Variants in PTPRK observed in about 807,000 individuals in gnomAD.
PTPRK encodes protein tyrosine phosphatase receptor type K.
PTPRK carries 75 observed loss-of-function variants against 178.0 expected under a neutral mutation model. The observed-to-expected ratio is 0.42, with a 90% CI of 0.35 to 0.51. PTPRK has a LOEUF of 0.51. PTPRK is among the 20% of genes least tolerant of loss of function. The pLI is 0.02. For missense variants in PTPRK, 1,441 were observed against 1,797.8 expected (o/e 0.80, Z 3.59); for synonymous variants, 637 against 620.6 (o/e 1.03, Z -0.39).
intron 2 of PTPRK, among the ~76,000 whole-genome samples, chr6:128,397,000 A>C (rs2128368624): frequency 6.6e-6 from 1 of 152,262 alleles, no homozygotes; most frequent in Admixed American, 6.5e-5. Flanking sequence ...TCCATATCAA[A>C]AAACAACAAC....
chr6:128,019,458 G>A (rs933839331), intron 13 of PTPRK, among the ~76,000 whole-genome samples: 3 of 151,770 alleles, frequency 2.0e-5, no homozygotes, highest in South Asian at 4.2e-4. Flanking sequence ...ATTCTTTTGG[G>A]GACAAATAAA....
At chr6:128,333,544 T>TAAA (rs11408559) in intron 2 of PTPRK, among the ~76,000 whole-genome samples, 404 of 151,668 alleles carry the variant, frequency 2.7e-3, no homozygotes, top group African/African-American at 9.1e-3. Context: ...AGTTTATTGC[T>TAAA]AAAAAAAATG....
Position 128,125,602 on chromosome 6 carries a change from CTTTTTTTTT to C in PTPRK, c.1163-35619_1163-35611del, listed in dbSNP as rs869038931. On this transcript the variant is annotated intron_variant, in intron 7 of 29. Coordinates refer to ENST00000368226, the MANE Select transcript of PTPRK (RefSeq NM_002844.4). ...CTAATACACTTGCCTTTGGGCTTTT[CTTTTTTTTT>C]TTTTTTTTTTTTTTTTTCGATGAAG... Among the ~76,000 whole-genome samples the C allele has an allele frequency of 5.1e-4, 35 of 68,378 alleles. 1 individual carries two copies. The highest frequency in any genetic ancestry group is 2.2e-3 in the South Asian group (5 of 2,308). The allele number at this position is 68,378 out of a possible 152,430, so 44.9% of individuals were successfully genotyped here. A position where few individuals can be genotyped will look rare whatever the true frequency, so the allele number is the denominator to read the frequency against.
chr6:128,462,329 C>A (rs1318375369), intron 1 of PTPRK, among the ~76,000 whole-genome samples: 1 of 152,036 alleles, frequency 6.6e-6, no homozygotes, highest in Non-Finnish European at 1.5e-5. Context: ...AAGGAAAAAT[C>A]ACATGTTGTT....
At chr6:128,146,192 G>A (rs187738566) in intron 7 of PTPRK, among the ~76,000 whole-genome samples, 19 of 152,218 alleles carry the variant, frequency 1.2e-4, no homozygotes, top group African/African-American at 4.1e-4. Flanking sequence ...AAAGGCTAGT[G>A]ACATTGATAT....
At position 128,015,848 on chromosome 6, in the gene PTPRK, C is replaced by G. The variant is rs190966527; in HGVS notation, c.2195-6580G>C. On this transcript the variant is annotated intron_variant, in intron 13 of 29. Transcript: ENST00000368226. Reference sequence around the variant, plus strand: ...TTACAAGATAATACCAAACTATTACCAATTTACATACCCACCAGCAGCGTA... The same window carrying G: ...TTACAAGATAATACCAAACTATTACGAATTTACATACCCACCAGCAGCGTA... Among the ~76,000 whole-genome samples the G allele has an allele frequency of 1.6e-3, 243 of 151,816 alleles. 1 individual carries two copies. Among genetic ancestry groups the G allele is most frequent in the Admixed American group, 3.3e-3 (50 of 15,176 alleles).
chr6:128,246,462 T>C (rs1036350377), intron 3 of PTPRK, among the ~76,000 whole-genome samples: 9 of 152,294 alleles, frequency 5.9e-5, no homozygotes, highest in Middle Eastern at 3.4e-3. Flanking sequence ...AGTTCCTCTT[T>C]TTAGTGACCT....
intron 7 of PTPRK, among the ~76,000 whole-genome samples, chr6:128,147,723 A>T (rs2114541552): frequency 6.6e-6 from 1 of 152,300 alleles, no homozygotes; most frequent in African/African-American, 2.4e-5. Flanking sequence ...GCTCAACAAT[A>T]GATCATACGA....
At chr6:128,324,774 A>C (rs1829320047) in intron 2 of PTPRK, among the ~76,000 whole-genome samples, 1 of 152,110 alleles carries the variant, frequency 6.6e-6, no homozygotes. Context: ...TACTGACTTG[A>C]TATAACGGCA....
At chr6:128,177,297 G>A (rs551850129) in intron 7 of PTPRK, among the ~76,000 whole-genome samples, 25 of 151,600 alleles carry the variant, frequency 1.6e-4, no homozygotes, top group Non-Finnish European at 3.5e-4. Flanking sequence ...TACTTTTAAA[G>A]CCATTTCTAC....
At chr6:128,213,066 T>C (rs1808519866) in intron 6 of PTPRK, among the ~76,000 whole-genome samples, 1 of 152,076 alleles carries the variant, frequency 6.6e-6, no homozygotes. Context: ...TAAATAAACA[T>C]AGATACTATC....
chr6:128,435,058 A>G (rs199524073), intron 1 of PTPRK, among the ~76,000 whole-genome samples: 1 of 69,968 alleles, frequency 1.4e-5, no homozygotes, highest in African/African-American at 1.2e-4. Context: ...GGAAGGAAGG[A>G]AGGAAGGAAG....
At chr6:128,293,698 T>C (rs1487230480) in intron 3 of PTPRK, among the ~76,000 whole-genome samples, 1 of 152,072 alleles carries the variant, frequency 6.6e-6, no homozygotes, top group African/African-American at 2.4e-5. Context: ...CAAACCAATA[T>C]GCCTGATCAA....
chr6:128,226,610 C>T (rs73772012), intron 5 of PTPRK, among the ~76,000 whole-genome samples: 226 of 152,094 alleles, frequency 1.5e-3, no homozygotes, highest in African/African-American at 3.5e-3. Flanking sequence ...TCTGTGCATG[C>T]ATGTTTTAGC....
At chr6:128,379,565 T>A (rs938979294) in intron 2 of PTPRK, among the ~76,000 whole-genome samples, 1 of 152,214 alleles carries the variant, frequency 6.6e-6, no homozygotes, top group African/African-American at 2.4e-5. Flanking sequence ...GTCCATGTCA[T>A]GTGGTGTAAG....
At chr6:127,979,065 A>T (rs1006989262) in intron 25 of PTPRK, among the ~76,000 whole-genome samples, 3 of 152,164 alleles carry the variant, frequency 2.0e-5, no homozygotes, top group African/African-American at 7.2e-5. Context: ...TTCATACAGA[A>T]AAAAAGACAA....
intron 7 of PTPRK, among the ~76,000 whole-genome samples, chr6:128,094,551 C>G (rs934329645): frequency 6.6e-6 from 1 of 152,044 alleles, no homozygotes. Context: ...AGAAGAGACA[C>G]AGATTGGGGG....
At chr6:128,116,615 C>T (rs907010383) in intron 7 of PTPRK, among the ~76,000 whole-genome samples, 3 of 152,162 alleles carry the variant, frequency 2.0e-5, no homozygotes, top group Admixed American at 6.5e-5. Context: ...ATCCCTATAC[C>T]TATATCAGCA....
At chr6:128,305,483 T>A (rs911592354) in intron 3 of PTPRK, among the ~76,000 whole-genome samples, 4 of 152,186 alleles carry the variant, frequency 2.6e-5, no homozygotes, top group Non-Finnish European at 5.9e-5. Flanking sequence ...AAATGTATTA[T>A]TGCTATGGTA....
Sources: allele counts gnomAD v4.1 joint callset (sites outside exome capture counted in the v4.1 genomes callset), GRCh38; gene constraint gnomAD v4.1.1; transcripts MANE v1.5; gene names NCBI Gene and HGNC (gene_info 2026-07-23, HGNC 2026-07-21).